Variants in ZNF385B observed in about 807,000 individuals in gnomAD.
ZNF385B encodes zinc finger protein 533.
In ZNF385B, 23 loss-of-function variants were observed where a neutral mutation model predicts 39.2. That is an observed-to-expected ratio of 0.59 (90% CI 0.42 to 0.83). ZNF385B has a LOEUF of 0.83. Ranked by LOEUF, ZNF385B falls within the 40% of genes least tolerant of loss-of-function variation. ZNF385B has a pLI of 0.00. For synonymous variants in ZNF385B, 205 were observed against 222.6 expected (o/e 0.92, Z 0.70); for missense variants, 552 against 598.9 (o/e 0.92, Z 0.82).
At chr2:179,858,029 A>T (rs568484140) in intron 1 of ZNF385B, among the ~76,000 whole-genome samples, 51 of 152,188 alleles carry the variant, frequency 3.4e-4, no homozygotes, top group Non-Finnish European at 6.2e-4. Flanking sequence ...TCTTTTGGGA[A>T]GCTTATTCTG....
intron 5 of ZNF385B, among the ~76,000 whole-genome samples, chr2:179,516,694 A>G (rs1015526737): frequency 3.3e-5 from 5 of 152,062 alleles, no homozygotes; most frequent in Admixed American, 3.3e-4. Flanking sequence ...CTAGTAGTCT[A>G]TAGCTTGTTT....
At chr2:179,713,751 C>A (rs1344508470) in intron 3 of ZNF385B, among the ~76,000 whole-genome samples, 1 of 152,078 alleles carries the variant, frequency 6.6e-6, no homozygotes, top group African/African-American at 2.4e-5. Context: ...GTTATAAAAG[C>A]CTCTAGTTGG....
Position 179,769,686 on chromosome 2 carries a change from A to G in ZNF385B, c.115T>C (p.Leu39=), listed in dbSNP as rs771145227. Reference sequence around the variant, plus strand: ...AGAATTTTCTTTTTCTCTTTGCTCAACTGGTCCTCAGGCCTGTCGTTCTTT... The same window carrying G: ...AGAATTTTCTTTTTCTCTTTGCTCAGCTGGTCCTCAGGCCTGTCGTTCTTT... ...GIKNDRPEDQ[L]SKEKKKILFS... The change falls in exon 3 of 10, where the codon TTG becomes CTG. Residue 39 remains leucine, a synonymous_variant. Transcript: ENST00000410066. 5.6e-6 allele frequency: 9 copies of G among 1,614,166 alleles called. No homozygotes were observed. In the East Asian group the frequency reaches 6.7e-5, roughly 12 times the overall value.
chr2:179,495,363 A>C (rs901150535), intron 5 of ZNF385B, among the ~76,000 whole-genome samples: 1 of 152,192 alleles, frequency 6.6e-6, no homozygotes, highest in East Asian at 1.9e-4. Context: ...GTAGACTTCT[A>C]AGGTTTTTGA....
chr2:179,502,229 T>G (rs536420527), intron 5 of ZNF385B, among the ~76,000 whole-genome samples: 22 of 152,356 alleles, frequency 1.4e-4, no homozygotes, highest in African/African-American at 4.8e-4. Flanking sequence ...GGTGAGACTA[T>G]GGACTTGGAC....
intron 5 of ZNF385B, among the ~76,000 whole-genome samples, chr2:179,501,227 C>T (rs926576175): frequency 7.2e-5 from 11 of 152,146 alleles, no homozygotes; most frequent in African/African-American, 2.7e-4. Context: ...ATCCAGCAAT[C>T]CCATTGCTGG....
At chr2:179,595,728 C>T (rs952966278) in intron 3 of ZNF385B, among the ~76,000 whole-genome samples, 4 of 150,718 alleles carry the variant, frequency 2.7e-5, no homozygotes, top group Non-Finnish European at 1.5e-5. Context: ...TGGGCTCCAG[C>T]GATCTGCATA....
intron 1 of ZNF385B, among the ~76,000 whole-genome samples, chr2:179,855,880 A>C (rs544683653): frequency 9.2e-5 from 14 of 152,198 alleles, no homozygotes; most frequent in Non-Finnish European, 1.8e-4. Context: ...CAGATGAAGA[A>C]ATTGAAAGCC....
At chr2:179,503,152 G>C (rs1312083391) in intron 5 of ZNF385B, among the ~76,000 whole-genome samples, 1 of 152,174 alleles carries the variant, frequency 6.6e-6, no homozygotes, top group Non-Finnish European at 1.5e-5. Context: ...TGGGAAGACA[G>C]GCATGAGCCA....
At chr2:179,463,998 C>G (rs1460745117) in intron 6 of ZNF385B, among the ~76,000 whole-genome samples, 2 of 152,196 alleles carry the variant, frequency 1.3e-5, no homozygotes, top group Non-Finnish European at 2.9e-5. Context: ...TTCTCCACAT[C>G]CTCTCCAGCA....
chr2:179,655,786 A>C (rs1345044828), intron 3 of ZNF385B, among the ~76,000 whole-genome samples: 1 of 152,188 alleles, frequency 6.6e-6, no homozygotes, highest in African/African-American at 2.4e-5. Context: ...AAATATGTTT[A>C]CCCAGTAAGG....
At chr2:179,837,107 T>C (rs1708296177) in intron 1 of ZNF385B, among the ~76,000 whole-genome samples, 2 of 152,162 alleles carry the variant, frequency 1.3e-5, no homozygotes. Context: ...AATTTTTAAT[T>C]CCTAGGCACC....
At chr2:179,831,464 G>T (rs1292537432) in intron 1 of ZNF385B, among the ~76,000 whole-genome samples, 4 of 149,938 alleles carry the variant, frequency 2.7e-5, no homozygotes, top group Non-Finnish European at 5.9e-5. Context: ...CACTTAAGAT[G>T]CCAAAACTTA....
chr2:179,475,181 T>A (rs1285437825), intron 6 of ZNF385B, among the ~76,000 whole-genome samples: 3 of 152,166 alleles, frequency 2.0e-5, no homozygotes, highest in Admixed American at 2.0e-4. Context: ...AAAAGTCACA[T>A]GCTGTTACAT....
At chr2:179,647,873 T>C (rs940263106) in intron 3 of ZNF385B, among the ~76,000 whole-genome samples, 1 of 152,174 alleles carries the variant, frequency 6.6e-6, no homozygotes, top group Non-Finnish European at 1.5e-5. Flanking sequence ...AGGAATTCAC[T>C]CTCTCCTTAA....
At chr2:179,769,882 G>C (rs1703915341) in intron 2 of ZNF385B, 80 bp from the exon 3 acceptor site, 1 of 1,398,240 alleles carries the variant, frequency 7.2e-7, no homozygotes, top group Non-Finnish European at 9.6e-7. Context: ...AATCTTTAAG[G>C]GTTTGTTTAA....
chr2:179,814,466 G>T, intron 1 of ZNF385B: 1 of 525,818 alleles, frequency 1.9e-6, no homozygotes, highest in South Asian at 1.6e-5. Context: ...TCAACAAAAT[G>T]TATGAGTTAT....
chr2:179,501,803 C>T (rs7563400), intron 5 of ZNF385B, among the ~76,000 whole-genome samples: 17,366 of 152,154 alleles, frequency 0.11, 1,556 homozygotes, highest in East Asian at 0.38. Flanking sequence ...CCACAATGTG[C>T]TTATTTCACA....
Position 179,522,129 on chromosome 2 carries a change from A to C in ZNF385B, c.442-3491T>G, listed in dbSNP as rs1245399943. On this transcript the variant is annotated intron_variant, in intron 4 of 9. Transcript: ENST00000410066. ...ATTTTGAAACAGACACTGTCAAGCT[A>C]ATGTTTTGAGTATTTGCCCTCTGAT... Among the ~76,000 whole-genome samples the C allele has an allele frequency of 2.0e-5, 3 of 152,308 alleles. No homozygotes were observed. In the East Asian group the frequency reaches 5.8e-4, roughly 29 times the overall value.
Sources: gnomAD v4.1 joint callset for allele counts (sites outside exome capture counted in the v4.1 genomes callset) on GRCh38, gnomAD v4.1.1 for gene constraint, MANE v1.5 for transcripts, NCBI Gene and HGNC (gene_info 2026-07-23, HGNC 2026-07-21) for gene names.